Variants in SNAP91 observed in about 807,000 individuals in gnomAD.
The protein encoded by SNAP91 is synaptosome associated protein 91.
SNAP91 carries 27 observed loss-of-function variants against 100.3 expected under a neutral mutation model. The observed-to-expected ratio is 0.27, with a 90% CI of 0.20 to 0.37. The LOEUF is 0.37. Ranked by LOEUF, SNAP91 falls within the 10% of genes least tolerant of loss-of-function variation. SNAP91 has a pLI of 1.00. For missense variants in SNAP91, 986 were observed against 1,123.7 expected (o/e 0.88, Z 1.75); for synonymous variants, 404 against 398.6 (o/e 1.01, Z -0.16).
Position 83,614,875 on chromosome 6 carries a change from G to A in SNAP91, c.879-13C>T. On this transcript the variant is annotated splice_polypyrimidine_tract_variant and intron_variant, in intron 10 of 29. Transcript: ENST00000369694. The stretch of plus-strand genomic sequence containing the variant: ...TACTCACCCTTCACTTAAGTTCCAA[G>A]GTAAGCACAAACATACAAAGAAGAG... 1 of 1,589,384 alleles carries A rather than the reference G, an allele frequency of 6.3e-7. No homozygotes were observed. Among genetic ancestry groups the A allele is most frequent in the Non-Finnish European group, 8.5e-7 (1 of 1,173,588 alleles).
At chr6:83,707,289 C>G (rs576136036) in intron 2 of SNAP91, among the ~76,000 whole-genome samples, 8 of 152,030 alleles carry the variant, frequency 5.3e-5, no homozygotes, top group Non-Finnish European at 1.0e-4. Context: ...CCCATACTCA[C>G]AAAAACAATC....
intron 7 of SNAP91, among the ~76,000 whole-genome samples, chr6:83,650,047 A>G (rs1439549545): frequency 6.6e-6 from 1 of 152,028 alleles, no homozygotes; most frequent in East Asian, 1.9e-4. Flanking sequence ...CATAGCTGGC[A>G]TTACGAGTTC....
At chr6:83,658,169 C>T (rs564135236) in intron 6 of SNAP91, among the ~76,000 whole-genome samples, 3 of 152,134 alleles carry the variant, frequency 2.0e-5, no homozygotes, top group South Asian at 2.1e-4. Context: ...TCCCATATAC[C>T]ATTTACCCAG....
In SNAP91 at chr6:83,596,812, C is replaced by T. The variant is rs1288623906; in HGVS notation, c.1325-2331G>A. Among the ~76,000 whole-genome samples the T allele has an allele frequency of 1.1e-4, 16 of 152,114 alleles. No homozygotes were observed. The South Asian group carries it at 3.3e-3, about 32-fold the overall frequency. ...CTAAAGTTACACAGCAAGAAAATGG[C>T]AGAGTTAGGATTTGGCTCAGAGCTG... On this transcript the variant is annotated intron_variant, in intron 16 of 29. Transcript: ENST00000369694.
intron 26 of SNAP91, among the ~76,000 whole-genome samples, chr6:83,562,091 T>C (rs1230391423): frequency 4.6e-5 from 7 of 152,202 alleles, no homozygotes; most frequent in African/African-American, 7.2e-5. Flanking sequence ...GATATCTTCA[T>C]TGGTGAATTC....
chr6:83,693,937 G>T (rs2099162505), intron 2 of SNAP91, among the ~76,000 whole-genome samples: 2 of 152,154 alleles, frequency 1.3e-5, no homozygotes, highest in Admixed American at 6.6e-5. Context: ...AACACTGATT[G>T]ACAGTGACAA....
chr6:83,594,370 C>A lies in SNAP91; in HGVS notation c.1432+4G>T. The A allele has an allele frequency of 1.9e-6, 3 of 1,551,436 alleles. No individual in the cohort carries two copies. The highest frequency in any genetic ancestry group is 2.6e-6 in the Non-Finnish European group (3 of 1,146,352). On this transcript the variant is annotated splice_donor_region_variant and intron_variant, in intron 17 of 29. Coordinates refer to ENST00000369694, the MANE Select transcript of SNAP91 (RefSeq NM_001242792.2). ...AACAGACTGGCTAATGACTTTAAAC[C>A]CACCATTTCCTGAACATGCATCAAG... is the stretch of plus-strand genomic sequence containing the variant.
At chr6:83,657,091 A>G (rs2098424930) in intron 6 of SNAP91, among the ~76,000 whole-genome samples, 1 of 152,152 alleles carries the variant, frequency 6.6e-6, no homozygotes, top group Non-Finnish European at 1.5e-5. Context: ...AGATATATGC[A>G]TTATATATAT....
intron 24 of SNAP91, among the ~76,000 whole-genome samples, chr6:83,579,902 A>G (rs1280443258): frequency 6.6e-6 from 1 of 152,154 alleles, no homozygotes; most frequent in Non-Finnish European, 1.5e-5. Flanking sequence ...CATGGAACTT[A>G]TGATCTATCA....
intron 8 of SNAP91, among the ~76,000 whole-genome samples, chr6:83,634,714 T>G (rs1214059257): frequency 6.6e-6 from 1 of 152,226 alleles, no homozygotes; most frequent in Non-Finnish European, 1.5e-5. Context: ...GTTTTTCTAG[T>G]TCCTTTATGT....
At chr6:83,568,124 A>G (rs1799800803) in intron 26 of SNAP91, among the ~76,000 whole-genome samples, 2 of 152,136 alleles carry the variant, frequency 1.3e-5, no homozygotes, top group Non-Finnish European at 2.9e-5. Flanking sequence ...GACTGGATTA[A>G]GAAAATGTGG....
At chr6:83,661,427 G>A in intron 5 of SNAP91, 75 bp downstream of exon 5, 1 of 826,660 alleles carries the variant, frequency 1.2e-6, no homozygotes, top group Admixed American at 2.9e-5. Context: ...TGGCATTTAA[G>A]CTTAGTTAAA....
intron 11 of SNAP91, among the ~76,000 whole-genome samples, chr6:83,612,086 T>C (rs1275056032): frequency 2.0e-5 from 3 of 152,040 alleles, no homozygotes; most frequent in Admixed American, 6.5e-5. Flanking sequence ...TGTTTGAATT[T>C]AATTTCTACT....
intron 3 of SNAP91, among the ~76,000 whole-genome samples, chr6:83,663,140 C>T (rs1312256119): frequency 3.9e-5 from 6 of 152,080 alleles, no homozygotes; most frequent in Admixed American, 3.9e-4. Context: ...GTTCTGACTG[C>T]ACCACCGCTG....
chr6:83,630,494 G>A (rs1021467398), intron 8 of SNAP91, among the ~76,000 whole-genome samples: 4 of 151,558 alleles, frequency 2.6e-5, no homozygotes, highest in African/African-American at 4.8e-5. Flanking sequence ...TTTTTTTGTT[G>A]GTAATTTAAA....
intron 8 of SNAP91, among the ~76,000 whole-genome samples, chr6:83,624,784 G>A (rs971157534): frequency 1.3e-5 from 2 of 152,098 alleles, no homozygotes; most frequent in Non-Finnish European, 2.9e-5. Context: ...TGAGACCACT[G>A]ACGTAGAGCA....
chr6:83,693,062 C>A (rs1360950079), intron 2 of SNAP91, among the ~76,000 whole-genome samples: 2 of 152,152 alleles, frequency 1.3e-5, no homozygotes, highest in African/African-American at 4.8e-5. Context: ...GATGTTTTAA[C>A]TGTTTTTGTT....
At chr6:83,575,500 G>T in intron 25 of SNAP91, 1 of 254,678 alleles carries the variant, frequency 3.9e-6, no homozygotes, top group South Asian at 4.9e-5. Flanking sequence ...GCACTTTCTG[G>T]ATCTTAGAGG....
chr6:83,640,729 G>A (rs1263096767), intron 8 of SNAP91, among the ~76,000 whole-genome samples: 1 of 152,096 alleles, frequency 6.6e-6, no homozygotes, highest in Non-Finnish European at 1.5e-5. Flanking sequence ...TAATAAACAG[G>A]CTTTTCTAAA....
Sources: allele counts gnomAD v4.1 joint callset (sites outside exome capture counted in the v4.1 genomes callset), GRCh38; gene constraint gnomAD v4.1.1; transcripts MANE v1.5; gene names NCBI Gene and HGNC (gene_info 2026-07-23, HGNC 2026-07-21).